The following ROCK2 variants were observed in gnomAD, a reference collection of about 807,000 sequenced individuals.
ROCK2 encodes the protein Rho associated coiled-coil containing protein kinase 2, also known as rho-associated protein kinase 2.
A neutral mutation model predicts 195.1 loss-of-function variants in ROCK2; 61 were observed. The ratio of observed to expected loss-of-function variants is 0.31; its 90% CI spans 0.25 to 0.39. The LOEUF is 0.39. Ranked by LOEUF, ROCK2 falls within the 10% of genes least tolerant of loss-of-function variation. The probability of loss-of-function intolerance (pLI) is 1.00; values close to 1 mark genes in which losing one functional copy is unlikely to be tolerated. For missense variants in ROCK2, 1,109 were observed against 1,637.4 expected (o/e 0.68, Z 5.57); for synonymous variants, 504 against 545.5 (o/e 0.92, Z 1.06).
chr2:11,328,737 A>G (rs947654907), intron 1 of ROCK2, among the ~76,000 whole-genome samples: 1 of 152,202 alleles, frequency 6.6e-6, no homozygotes, highest in Non-Finnish European at 1.5e-5. Context: ...CTATGCAGCC[A>G]TAAAAAATGA....
At chr2:11,294,375 T>A (rs531021877) in intron 1 of ROCK2, among the ~76,000 whole-genome samples, 14 of 152,336 alleles carry the variant, frequency 9.2e-5, no homozygotes, top group African/African-American at 1.4e-4. Context: ...ACACTTTATA[T>A]AACATCTCCT....
chr2:11,259,024 G>A (rs1453098417), intron 3 of ROCK2, among the ~76,000 whole-genome samples: 1 of 151,364 alleles, frequency 6.6e-6, no homozygotes, highest in Non-Finnish European at 1.5e-5. Context: ...GCCCAGAGGG[G>A]AAGGAGCTAG....
chr2:11,306,667 G>A (rs1216629166), intron 1 of ROCK2, among the ~76,000 whole-genome samples: 1 of 152,164 alleles, frequency 6.6e-6, no homozygotes. Flanking sequence ...ACAGAAACAG[G>A]TAAAAGAACT....
intron 32 of ROCK2, among the ~76,000 whole-genome samples, chr2:11,188,125 T>TG (rs1553294588): frequency 1.7e-4 from 26 of 148,978 alleles, no homozygotes; most frequent in Middle Eastern, 3.4e-3. Context: ...TTTTTTTTTT[T>TG]TGTGTGACGG....
Position 11,311,785 on chromosome 2 carries a change from A to C in ROCK2, c.142-24049T>G, listed in dbSNP as rs181996798. 6.8e-3 allele frequency among the ~76,000 whole-genome samples: 1,034 copies of C among 151,290 alleles called. 8 individuals carry two copies. Among genetic ancestry groups the C allele is most frequent in the Non-Finnish European group, 9.8e-3 (667 of 67,830 alleles). On this transcript the variant is annotated intron_variant, in intron 1 of 32. Coordinates refer to ENST00000315872, the MANE Select transcript of ROCK2 (RefSeq NM_004850.5). ...CGCGCGTGCACACACACACACACAC[A>C]CCCCTATAGGAGATCCAGAAACTTA...
At chr2:11,284,738 GA>G (rs570856341) in intron 3 of ROCK2, among the ~76,000 whole-genome samples, 5 of 152,084 alleles carry the variant, frequency 3.3e-5, no homozygotes, top group Non-Finnish European at 7.4e-5. Flanking sequence ...ACAATCCAAG[GA>G]AAATGGTTCT....
intron 1 of ROCK2, among the ~76,000 whole-genome samples, chr2:11,302,372 T>G (rs536849168): frequency 6.6e-6 from 1 of 151,552 alleles, no homozygotes; most frequent in Non-Finnish European, 1.5e-5. Flanking sequence ...CAGGCTGGAG[T>G]GCAGTGGTAT....
chr2:11,333,705 T>C (rs889324769), intron 1 of ROCK2, among the ~76,000 whole-genome samples: 2 of 152,192 alleles, frequency 1.3e-5, no homozygotes, highest in Non-Finnish European at 2.9e-5. Flanking sequence ...TTGAAAAATA[T>C]TGCCTTACTA....
In ROCK2 at chr2:11,201,361, G is replaced by T; in HGVS notation, c.2672C>A (p.Thr891Asn). ...RELKEECEEKTKLGKELQQKK... is the reference protein window; with the variant it reads ...RELKEECEEKNKLGKELQQKK... ...CTGCTGCAATTCTTTACCAAGTTTG[G>T]TCTTTTCTTCACATTCTTCTTTAAG... The change falls in exon 22 of 33, where the codon ACC becomes AAC. Residue 891 changes from threonine (T) to asparagine (N), a missense_variant. Around this residue, in one of 6 missense-constraint regions of ROCK2, gnomAD observed 542 missense variants for 672.0 expected, o/e 0.81. Coordinates refer to ENST00000315872, the MANE Select transcript of ROCK2 (RefSeq NM_004850.5). The surrounding 1 kb of genome is among the most constrained non-coding windows in gnomAD (Gnocchi z 4.6). 1 of 1,613,102 alleles carries T rather than the reference G, an allele frequency of 6.2e-7. No individual in the cohort carries two copies. The highest frequency in any genetic ancestry group is 8.5e-7 in the Non-Finnish European group (1 of 1,179,448).
chr2:11,218,602 T>C (rs1003876039), intron 10 of ROCK2, 136 bp from the exon 11 acceptor site: 4 of 601,278 alleles, frequency 6.7e-6, no homozygotes, highest in African/African-American at 5.6e-5. Flanking sequence ...AAAAAATGTT[T>C]AGCATCATCA....
At chr2:11,298,697 C>G (rs1667612633) in intron 1 of ROCK2, among the ~76,000 whole-genome samples, 1 of 152,102 alleles carries the variant, frequency 6.6e-6, no homozygotes, top group African/African-American at 2.4e-5. Context: ...TATTTGTGTT[C>G]AAAGTGCTGG....
At chr2:11,205,795 T>C (rs895447179) in intron 20 of ROCK2, among the ~76,000 whole-genome samples, 3 of 152,076 alleles carry the variant, frequency 2.0e-5, no homozygotes, top group Non-Finnish European at 4.4e-5. Context: ...ATTGAGGATG[T>C]AGTATATGTA....
intron 1 of ROCK2, among the ~76,000 whole-genome samples, chr2:11,296,005 GGAGAGAGA>G (rs70953384): frequency 4.2e-3 from 43 of 10,342 alleles, no homozygotes; most frequent in African/African-American, 6.9e-3. Flanking sequence ...GAGAGAGAGA[GGAGAGAGA>G]GAGAGAGAGA....
At chr2:11,262,225 C>T (rs1002398089) in intron 3 of ROCK2, among the ~76,000 whole-genome samples, 1 of 151,924 alleles carries the variant, frequency 6.6e-6, no homozygotes, top group Non-Finnish European at 1.5e-5. Context: ...AAAACACCAT[C>T]TAACTGGCTA....
intron 1 of ROCK2, among the ~76,000 whole-genome samples, chr2:11,307,613 G>A (rs917801927): frequency 6.6e-6 from 1 of 151,996 alleles, no homozygotes; most frequent in Non-Finnish European, 1.5e-5. Context: ...CACCCAGCCA[G>A]AAAACATTAT....
chr2:11,188,266 C>T (rs947494388), intron 32 of ROCK2, among the ~76,000 whole-genome samples: 15 of 151,958 alleles, frequency 9.9e-5, no homozygotes, highest in African/African-American at 3.1e-4. Context: ...CCTGACACCA[C>T]GCCTGGCTAA....
chr2:11,251,005 T>G (rs1183737636), intron 3 of ROCK2, among the ~76,000 whole-genome samples: 4 of 152,154 alleles, frequency 2.6e-5, no homozygotes, highest in Non-Finnish European at 4.4e-5. Context: ...AAATCCCTGT[T>G]CAAATCATAC....
At position 11,248,708 on chromosome 2, in the gene ROCK2, C is replaced by CAAAAAAAAAAAAAAA; in HGVS notation, c.462+938_462+952dup. Among the ~76,000 whole-genome samples the CAAAAAAAAAAAAAAA allele has an allele frequency of 3.8e-3, 174 of 45,418 alleles. 2 individuals carry two copies. The highest frequency in any genetic ancestry group is 0.026 in the Middle Eastern group (1 of 38). The allele number at this position is 45,418 out of a possible 152,430, so 29.8% of individuals were successfully genotyped here. On this transcript the variant is annotated intron_variant, in intron 4 of 32. Transcript: ENST00000315872. ...TGAGCAACAGAGCAAGACTTCATCT[C>CAAAAAAAAAAAAAAA]AAAAAAAAAAAAAAAAAAAAAAAAA...
intron 20 of ROCK2, among the ~76,000 whole-genome samples, chr2:11,203,085 G>A (rs761258325): frequency 6.6e-6 from 1 of 151,942 alleles, no homozygotes; most frequent in Non-Finnish European, 1.5e-5. Context: ...TAGTATTTGT[G>A]TACTTTTTCT....
Sources: gnomAD v4.1 joint callset for allele counts (sites outside exome capture counted in the v4.1 genomes callset) on GRCh38, gnomAD v4.1.1 for gene constraint, gnomAD v4.1.1 regional missense constraint, Gnocchi (gnomAD v3.1) non-coding constraint, MANE v1.5 for transcripts, NCBI Gene and HGNC (gene_info 2026-07-23, HGNC 2026-07-21) for gene names.